The following SPSB1 variants were observed in gnomAD, a reference collection of about 807,000 sequenced individuals.
The protein encoded by SPSB1 is SPRY domain-containing SOCS box protein 1.
A neutral mutation model predicts 21.2 loss-of-function variants in SPSB1; 8 were observed. The ratio of observed to expected loss-of-function variants is 0.38; its 90% CI spans 0.22 to 0.68. The LOEUF is 0.68. SPSB1 is among the 30% of genes least tolerant of loss of function. SPSB1 has a pLI of 0.53. For missense variants in SPSB1, 242 were observed against 377.8 expected (o/e 0.64, Z 2.98); for synonymous variants, 169 against 161.7 (o/e 1.05, Z -0.34).
In SPSB1 at chr1:9,355,228, G is replaced by C. The variant is rs140989855; in HGVS notation, c.-149-515G>C. 2.3e-4 allele frequency among the ~76,000 whole-genome samples: 35 copies of C among 152,334 alleles called. No individual in the cohort carries two copies. The East Asian group carries it at 6.4e-3, about 28-fold the overall frequency. ...CTTTTCTGCAGTGAATTGGTGGTGC[G>C]TCTGCTGGAGGTAGCTGTGCCAGAG... On this transcript the variant is annotated intron_variant, in intron 1 of 2. Coordinates refer to ENST00000328089, the MANE Select transcript of SPSB1 (RefSeq NM_025106.4).
In SPSB1 at chr1:9,369,150, A is replaced by G. The variant is rs955541786; in HGVS notation, c.*1575A>G. On this transcript the variant is annotated 3_prime_UTR_variant, in exon 3 of 3. Coordinates refer to ENST00000328089, the MANE Select transcript of SPSB1 (RefSeq NM_025106.4). ...AGTGGAGTATATTTTTTAAAGCACA[A>G]AATTGGTGCCAAGACTGGGTGAGAA... The G allele has an allele frequency of 1.6e-4, 25 of 152,520 alleles. No homozygotes were observed. The highest frequency in any genetic ancestry group is 6.0e-4 in the African/African-American group (25 of 41,476). 9.4% of individuals were successfully genotyped at this position (152,520 alleles called of 1,614,324 possible). A position where few individuals can be genotyped will look rare whatever the true frequency, so the allele number is the denominator to read the frequency against.
At chr1:9,354,526 G>A (rs780522908) in intron 1 of SPSB1, among the ~76,000 whole-genome samples, 11 of 152,036 alleles carry the variant, frequency 7.2e-5, no homozygotes, top group Non-Finnish European at 1.0e-4. Flanking sequence ...ATCTTCTGCT[G>A]CCTTATCCTT....
intron 1 of SPSB1, among the ~76,000 whole-genome samples, chr1:9,336,658 C>T (rs1002211521): frequency 6.6e-6 from 1 of 152,318 alleles, no homozygotes; most frequent in East Asian, 1.9e-4. Context: ...TGAGTTCACC[C>T]GTGGCGCTGG....
At chr1:9,351,910 G>A (rs1640264463) in intron 1 of SPSB1, among the ~76,000 whole-genome samples, 1 of 152,176 alleles carries the variant, frequency 6.6e-6, no homozygotes, top group Non-Finnish European at 1.5e-5. Flanking sequence ...CTAGGCCCTG[G>A]GGTGCCCTTG....
chr1:9,337,282 G>A (rs1256140746), intron 1 of SPSB1, among the ~76,000 whole-genome samples: 1 of 152,124 alleles, frequency 6.6e-6, no homozygotes, highest in African/African-American at 2.4e-5. Flanking sequence ...AAGGCAGAGT[G>A]GAGGACAAGA....
In SPSB1 at chr1:9,367,740, C is replaced by T. The variant is rs1640602584; in HGVS notation, c.*165C>T. 1 of 1,056,960 alleles carries T rather than the reference C, an allele frequency of 9.5e-7. No individual in the cohort carries two copies. The allele number at this position is 1,056,960 out of a possible 1,614,324, so 65.5% of individuals were successfully genotyped here. A position where few individuals can be genotyped will look rare whatever the true frequency, so the allele number is the denominator to read the frequency against. On this transcript the variant is annotated 3_prime_UTR_variant, in exon 3 of 3. Coordinates refer to ENST00000328089, the MANE Select transcript of SPSB1 (RefSeq NM_025106.4). The surrounding 1 kb of genome is among the most constrained non-coding windows in gnomAD (Gnocchi z 5.9). ...GTGGCTGCCTCCATGGGACAAGGAC[C>T]GATTCCAACACAGGCTCCTCTTTCC...
At chr1:9,339,103 GCCCAGGCAAGGCAGGC>G in intron 1 of SPSB1, 2 of 552,956 alleles carry the variant, frequency 3.6e-6, no homozygotes, top group South Asian at 7.8e-5. Context: ...GGCTGATCCA[GCCCAGGCAAGGCAGGC>G]CTGGGGACCC....
chr1:9,354,045 A>G (rs567235712), intron 1 of SPSB1, among the ~76,000 whole-genome samples: 1 of 152,232 alleles, frequency 6.6e-6, no homozygotes, highest in African/African-American at 2.4e-5. Flanking sequence ...CCAGGACCAA[A>G]CTTCCTGGAG....
At position 9,312,810 on chromosome 1, in the gene SPSB1, G is replaced by C. The variant is rs536971820; in HGVS notation, c.-150+19739G>C. Among the ~76,000 whole-genome samples, 10 of 152,282 alleles carry C rather than the reference G, an allele frequency of 6.6e-5. 1 individual carries two copies. Among genetic ancestry groups the C allele is most frequent in the Admixed American group, 5.9e-4 (9 of 15,298 alleles). ...TGCAAGTGGCGCAGTTTTGGAAGGC[G>C]CCCAGGGAAGGCTACTTGGTTGGCA... is the stretch of plus-strand genomic sequence containing the variant. On this transcript the variant is annotated intron_variant, in intron 1 of 2. Coordinates refer to ENST00000328089, the MANE Select transcript of SPSB1 (RefSeq NM_025106.4).
chr1:9,300,807 G>A (rs1274329718), intron 1 of SPSB1, among the ~76,000 whole-genome samples: 1 of 152,192 alleles, frequency 6.6e-6, no homozygotes, highest in East Asian at 1.9e-4. Context: ...AAAGGCCCAT[G>A]GTTCTTACTT....
At chr1:9,332,932 G>A (rs1453130645) in intron 1 of SPSB1, among the ~76,000 whole-genome samples, 3 of 152,256 alleles carry the variant, frequency 2.0e-5, no homozygotes, top group Non-Finnish European at 2.9e-5. Context: ...GGCAGCAGGA[G>A]AGGGCATCGG....
chr1:9,295,535 G>T (rs1359647022), intron 1 of SPSB1, among the ~76,000 whole-genome samples: 3 of 152,168 alleles, frequency 2.0e-5, no homozygotes, highest in African/African-American at 7.2e-5. Flanking sequence ...GGCTGCTGTA[G>T]TAAGGCTGGA....
intron 2 of SPSB1, among the ~76,000 whole-genome samples, chr1:9,364,684 C>G (rs1640535968): frequency 6.6e-6 from 1 of 152,208 alleles, no homozygotes; most frequent in Non-Finnish European, 1.5e-5. Context: ...CGAAAGGCCC[C>G]CTTTCAAAAT....
intron 1 of SPSB1, among the ~76,000 whole-genome samples, chr1:9,297,648 G>A (rs1639247895): frequency 6.6e-6 from 1 of 152,162 alleles, no homozygotes; most frequent in South Asian, 2.1e-4. Context: ...TTGTAGCTCA[G>A]GGGGTTAAGA....
In SPSB1 at chr1:9,363,635, T is replaced by C. The variant is rs1357421549; in HGVS notation, c.695-3813T>C. ...GCCATGGCTGGGGCTGGGGCTGCGG[T>C]GTCAGCCACTCAAAATAAGGCACTG... On this transcript the variant is annotated intron_variant, in intron 2 of 2. Transcript: ENST00000328089. This position sits in a 1 kb window ranked among gnomAD's most constrained non-coding sequence, Gnocchi z 4.5. Among the ~76,000 whole-genome samples the C allele has an allele frequency of 6.6e-6, 1 of 152,114 alleles. No homozygotes were observed. Among genetic ancestry groups the C allele is most frequent in the Non-Finnish European group, 1.5e-5 (1 of 68,016 alleles).
intron 1 of SPSB1, among the ~76,000 whole-genome samples, chr1:9,294,100 C>T (rs941261678): frequency 5.1e-5 from 3 of 58,642 alleles, no homozygotes; most frequent in African/African-American, 2.1e-4. Flanking sequence ...GTCTGTGTGT[C>T]TTTGTGTGTG....
chr1:9,341,780 G>A (rs528076256), intron 1 of SPSB1, among the ~76,000 whole-genome samples: 8 of 152,240 alleles, frequency 5.3e-5, no homozygotes, highest in East Asian at 1.9e-4. Flanking sequence ...TCGTCTCACC[G>A]CAATCTCCAC....
intron 1 of SPSB1, among the ~76,000 whole-genome samples, chr1:9,330,849 C>T (rs773390159): frequency 1.6e-4 from 24 of 152,046 alleles, no homozygotes; most frequent in South Asian, 2.1e-4. Context: ...CTGTGTCCAG[C>T]GGCTGTGCCA....
rs181655247 is a variant in SPSB1, at chr1:9,345,002, C to T, written c.-149-10741C>T. 4.9e-4 allele frequency among the ~76,000 whole-genome samples: 75 copies of T among 152,332 alleles called. 1 individual carries two copies. In the East Asian group the frequency reaches 0.014, roughly 28 times the overall value. On this transcript the variant is annotated intron_variant, in intron 1 of 2. Coordinates refer to ENST00000328089, the MANE Select transcript of SPSB1 (RefSeq NM_025106.4). The surrounding 1 kb of genome is among the most constrained non-coding windows in gnomAD (Gnocchi z 4.8). ...GAAAGCCTGGGTTTGGTCGGATCCC[C>T]TATGTCCAAGAGACTGCCTTGTTGG...
Sources: allele counts gnomAD v4.1 joint callset (sites outside exome capture counted in the v4.1 genomes callset), GRCh38; gene constraint gnomAD v4.1.1; non-coding constraint Gnocchi (gnomAD v3.1); transcripts MANE v1.5; gene names NCBI Gene and HGNC (gene_info 2026-07-23, HGNC 2026-07-21).